Variants in USH2A observed in about 807,000 individuals in gnomAD.
USH2A encodes the protein Usher syndrome 2A (autosomal recessive, mild).
USH2A carries 443 observed loss-of-function variants against 538.9 expected under a neutral mutation model. That is an observed-to-expected ratio of 0.82 (90% CI 0.76 to 0.89). USH2A has a LOEUF of 0.89. USH2A is among the 40% of genes least tolerant of loss of function. The pLI is 0.00. For missense variants in USH2A, 6,633 were observed against 6,324.8 expected (o/e 1.05, Z -1.65); for synonymous variants, 2,413 against 2,273.5 (o/e 1.06, Z -1.75).
At chr1:216,376,150 A>G (rs746109006) in intron 3 of USH2A, among the ~76,000 whole-genome samples, 1 of 152,206 alleles carries the variant, frequency 6.6e-6, no homozygotes, top group Non-Finnish European at 1.5e-5. Flanking sequence ...ATGCTGTTGG[A>G]AAAATAGCAC....
In USH2A at chr1:216,053,438, C is replaced by T. The variant is rs547437634; in HGVS notation, c.6050-4791G>A. Among the ~76,000 whole-genome samples the T allele has an allele frequency of 3.4e-5, 5 of 148,206 alleles. No individual in the cohort carries two copies. The South Asian group carries it at 1.1e-3, about 32-fold the overall frequency. On this transcript the variant is annotated intron_variant, in intron 30 of 71. Coordinates refer to ENST00000307340, the MANE Select transcript of USH2A (RefSeq NM_206933.4). ...TGGTTGTGAATCTCTTTGTTTGGGACACATCCCAGAGAAGTCTTTTTTTTT... is the reference window on the plus strand; with the variant it reads ...TGGTTGTGAATCTCTTTGTTTGGGATACATCCCAGAGAAGTCTTTTTTTTT...
At chr1:216,013,024 T>G (rs1300930316) in intron 32 of USH2A, among the ~76,000 whole-genome samples, 2 of 152,222 alleles carry the variant, frequency 1.3e-5, no homozygotes, top group Non-Finnish European at 2.9e-5. Context: ...CTCCTCATGC[T>G]ATCCCCAAAC....
At chr1:216,297,188 T>C (rs2037124568) in intron 9 of USH2A, among the ~76,000 whole-genome samples, 1 of 151,980 alleles carries the variant, frequency 6.6e-6, no homozygotes. Flanking sequence ...AATATGAGAG[T>C]AATAATACTT....
intron 4 of USH2A, among the ~76,000 whole-genome samples, chr1:216,351,144 TA>T (rs966822473): frequency 9.2e-5 from 14 of 151,920 alleles, no homozygotes; most frequent in Admixed American, 6.6e-5. Flanking sequence ...GTAATGCAAA[TA>T]AAAAAAATCT....
chr1:215,698,861 C>T (rs767786428), intron 61 of USH2A, among the ~76,000 whole-genome samples: 1 of 152,160 alleles, frequency 6.6e-6, no homozygotes, highest in Admixed American at 6.5e-5. Flanking sequence ...GCTTTTGTTG[C>T]CATTGCTTTT....
intron 71 of USH2A, 61 bp from the exon 72 acceptor site, chr1:215,625,931 TTTATAG>T (rs1429018988): frequency 1.4e-6 from 2 of 1,479,688 alleles, no homozygotes; most frequent in Non-Finnish European, 1.9e-6. Flanking sequence ...TTGCTATCAA[TTTATAG>T]TTATATCAAT....
At chr1:215,749,384 C>T (rs990705304) in intron 58 of USH2A, among the ~76,000 whole-genome samples, 1 of 152,214 alleles carries the variant, frequency 6.6e-6, no homozygotes, top group Non-Finnish European at 1.5e-5. Context: ...TTTTTCACCT[C>T]TTCATTAATT....
rs141707222 is a variant in USH2A, at chr1:216,137,259, C to T, written c.4627+37993G>A. Among the ~76,000 whole-genome samples the T allele has an allele frequency of 4.0e-3, 607 of 152,100 alleles. 2 individuals are homozygous for T. The highest frequency in any genetic ancestry group is 0.014 in the African/African-American group (582 of 41,490). On this transcript the variant is annotated intron_variant, in intron 21 of 71. Coordinates refer to ENST00000307340, the MANE Select transcript of USH2A (RefSeq NM_206933.4). ...CAGTGCCTGTATTAGTTTGTTTTCA[C>T]GCTGCTGATAAAGACATACCCAAAA...
At chr1:215,706,264 T>C (rs536621537) in intron 61 of USH2A, among the ~76,000 whole-genome samples, 29 of 152,300 alleles carry the variant, frequency 1.9e-4, no homozygotes, top group African/African-American at 7.0e-4. Context: ...TGCCATCTAA[T>C]GCTATTTCTT....
At chr1:215,921,952 G>T (rs1666108873) in intron 38 of USH2A, among the ~76,000 whole-genome samples, 1 of 152,018 alleles carries the variant, frequency 6.6e-6, no homozygotes, top group African/African-American at 2.4e-5. Flanking sequence ...AAGGTTACAT[G>T]ATCTTAATTT....
At chr1:216,090,391 C>A (rs545976013) in intron 22 of USH2A, among the ~76,000 whole-genome samples, 1 of 142,986 alleles carries the variant, frequency 7.0e-6, no homozygotes, top group East Asian at 2.0e-4. Context: ...ATAAAGAGCT[C>A]GACAACATGT....
chr1:215,957,306 G>C (rs1374420764), intron 37 of USH2A, among the ~76,000 whole-genome samples: 2 of 152,132 alleles, frequency 1.3e-5, no homozygotes, highest in East Asian at 3.8e-4. Flanking sequence ...GTCAGGAAGA[G>C]AGGTCTGGGG....
At chr1:215,952,594 G>C (rs896728949) in intron 37 of USH2A, among the ~76,000 whole-genome samples, 1 of 152,114 alleles carries the variant, frequency 6.6e-6, no homozygotes, top group Non-Finnish European at 1.5e-5. Context: ...AAATCTCTCA[G>C]CATTTGCTTG....
rs568970140 is a variant in USH2A, at chr1:216,165,188, G to A, written c.4627+10064C>T. On this transcript the variant is annotated intron_variant, in intron 21 of 71. Transcript: ENST00000307340. Reference sequence around the variant, plus strand: ...TTCAAGATTAAAAGTGCTTTTTATTGTACTGTATATGTTTATTATGACTGT... The same window carrying A: ...TTCAAGATTAAAAGTGCTTTTTATTATACTGTATATGTTTATTATGACTGT... Among the ~76,000 whole-genome samples, 16 of 152,160 alleles carry A rather than the reference G, an allele frequency of 1.1e-4. No individual in the cohort carries two copies. The South Asian group carries it at 2.5e-3, about 24-fold the overall frequency.
chr1:216,373,424 C>T (rs770718636), intron 3 of USH2A, among the ~76,000 whole-genome samples: 3 of 152,030 alleles, frequency 2.0e-5, no homozygotes, highest in Non-Finnish European at 2.9e-5. Context: ...TTCTCTTTTC[C>T]CATTCTATCT....
At chr1:215,867,871 T>C (rs952804822) in intron 43 of USH2A, among the ~76,000 whole-genome samples, 6 of 152,214 alleles carry the variant, frequency 3.9e-5, no homozygotes, top group Non-Finnish European at 8.8e-5. Context: ...ATTTATTAAA[T>C]TGACTATAGA....
chr1:216,292,974 T>C (rs1359194856), intron 9 of USH2A, among the ~76,000 whole-genome samples: 2 of 151,986 alleles, frequency 1.3e-5, no homozygotes, highest in Non-Finnish European at 2.9e-5. Flanking sequence ...CTTTGAACAG[T>C]GCTTGCCTTC....
intron 9 of USH2A, among the ~76,000 whole-genome samples, chr1:216,321,311 C>T (rs1001323266): frequency 5.3e-5 from 8 of 152,102 alleles, no homozygotes; most frequent in Non-Finnish European, 1.0e-4. Context: ...CCTCTTTTCC[C>T]TAAAGATGAA....
intron 64 of USH2A, among the ~76,000 whole-genome samples, chr1:215,662,714 A>C (rs1378455562): frequency 6.6e-6 from 1 of 152,254 alleles, no homozygotes; most frequent in Non-Finnish European, 1.5e-5. Flanking sequence ...TGCCTGAGTC[A>C]GACAATATCA....
Sources: allele counts gnomAD v4.1 joint callset (sites outside exome capture counted in the v4.1 genomes callset), GRCh38; gene constraint gnomAD v4.1.1; transcripts MANE v1.5; gene names NCBI Gene and HGNC (gene_info 2026-07-23, HGNC 2026-07-21).